The following SLC4A10 variants were observed in gnomAD, a reference collection of about 807,000 sequenced individuals.
The protein encoded by SLC4A10 is solute carrier family 4 member 10, also known as sodium-driven chloride bicarbonate exchanger.
A neutral mutation model predicts 137.7 loss-of-function variants in SLC4A10; 42 were observed. That is an observed-to-expected ratio of 0.30 (90% CI 0.24 to 0.39). The LOEUF (loss-of-function observed/expected upper bound fraction) is 0.39, where lower values mean the gene tolerates loss of function less well. Among genes scored for constraint, SLC4A10 ranks in the 10% least tolerant of loss-of-function variants. The pLI, the probability that SLC4A10 is intolerant of heterozygous loss-of-function variation, is 1.00. For synonymous variants in SLC4A10, 474 were observed against 464.1 expected (o/e 1.02, Z -0.27); for missense variants, 925 against 1,355.0 (o/e 0.68, Z 4.98).
intron 1 of SLC4A10, among the ~76,000 whole-genome samples, chr2:161,662,797 C>A (rs1286291095): frequency 6.6e-6 from 1 of 152,174 alleles, no homozygotes; most frequent in Non-Finnish European, 1.5e-5. Context: ...TTACCTATTG[C>A]TCTCTAAGCT....
intron 1 of SLC4A10, among the ~76,000 whole-genome samples, chr2:161,720,942 C>T (rs2125117895): frequency 6.6e-6 from 1 of 152,120 alleles, no homozygotes; most frequent in African/African-American, 2.4e-5. Flanking sequence ...AATTCTCCTG[C>T]CTCAGCCTCC....
At chr2:161,636,388 A>G (rs1361903349) in intron 1 of SLC4A10, among the ~76,000 whole-genome samples, 2 of 151,772 alleles carry the variant, frequency 1.3e-5, no homozygotes, top group South Asian at 2.1e-4. Flanking sequence ...TATTTGTATT[A>G]TTTGTTATTT....
chr2:161,791,811 T>C (rs2054244306), intron 2 of SLC4A10, among the ~76,000 whole-genome samples: 1 of 152,204 alleles, frequency 6.6e-6, no homozygotes, highest in Non-Finnish European at 1.5e-5. Context: ...GGTAATTATC[T>C]ATACTCTGCT....
intron 15 of SLC4A10, among the ~76,000 whole-genome samples, chr2:161,937,317 A>G (rs1691753397): frequency 6.6e-6 from 1 of 152,182 alleles, no homozygotes; most frequent in Admixed American, 6.5e-5. Flanking sequence ...TTTAATATGC[A>G]ATATACTTAC....
chr2:161,810,782 G>C (rs560432642), intron 3 of SLC4A10, among the ~76,000 whole-genome samples: 1 of 152,086 alleles, frequency 6.6e-6, no homozygotes, highest in South Asian at 2.1e-4. Context: ...ATTTTGTTGA[G>C]GATTTTGTGT....
Position 161,669,620 on chromosome 2 carries a change from A to T in SLC4A10, c.48+45054A>T, listed in dbSNP as rs377463003. Among the ~76,000 whole-genome samples the T allele has an allele frequency of 7.1e-4, 108 of 152,138 alleles. No individual in the cohort carries two copies. The East Asian group carries it at 9.1e-3, about 13-fold the overall frequency. On this transcript the variant is annotated intron_variant, in intron 1 of 26. Transcript: ENST00000446997. ...TGATGGACAACATTTTGTAATATTA[A>T]ATTGTTAATAAAATCATGTGGTATA...
At chr2:161,711,468 C>T (rs1050098585) in intron 1 of SLC4A10, among the ~76,000 whole-genome samples, 11 of 151,770 alleles carry the variant, frequency 7.2e-5, no homozygotes, top group African/African-American at 2.7e-4. Flanking sequence ...GAAAGCGGAT[C>T]AGGACCAACT....
At chr2:161,884,604 A>G (rs996347140) in intron 10 of SLC4A10, among the ~76,000 whole-genome samples, 2 of 152,158 alleles carry the variant, frequency 1.3e-5, no homozygotes, top group Non-Finnish European at 2.9e-5. Flanking sequence ...GAGCATAAGC[A>G]TCAGTCATCT....
At chr2:161,666,817 A>T (rs969681134) in intron 1 of SLC4A10, among the ~76,000 whole-genome samples, 3 of 146,478 alleles carry the variant, frequency 2.0e-5, no homozygotes, top group African/African-American at 7.5e-5. Context: ...TAATTTATGT[A>T]AATATATTTC....
At chr2:161,896,529 G>C (rs1370672939) in intron 11 of SLC4A10, among the ~76,000 whole-genome samples, 1 of 152,064 alleles carries the variant, frequency 6.6e-6, no homozygotes, top group Non-Finnish European at 1.5e-5. Context: ...TCACGATATT[G>C]ATTCTTCCTA....
At chr2:161,894,608 G>A (rs2063258442) in intron 10 of SLC4A10, 71 bp from the exon 11 acceptor site, 1 of 843,040 alleles carries the variant, frequency 1.2e-6, no homozygotes. Context: ...TAACTGAGTT[G>A]AAAACACTGA....
intron 1 of SLC4A10, among the ~76,000 whole-genome samples, chr2:161,709,353 A>G (rs1198031658): frequency 1.3e-5 from 2 of 151,654 alleles, no homozygotes; most frequent in African/African-American, 2.4e-5. Flanking sequence ...GAATAGAATC[A>G]TCTTTGTCAG....
intron 11 of SLC4A10, among the ~76,000 whole-genome samples, chr2:161,898,291 T>A (rs926958838): frequency 1.8e-4 from 28 of 152,164 alleles, no homozygotes; most frequent in African/African-American, 6.8e-4. Context: ...TCATTTTAAT[T>A]ACCTTAAATG....
intron 15 of SLC4A10, among the ~76,000 whole-genome samples, chr2:161,928,176 G>A (rs891709509): frequency 6.7e-6 from 1 of 148,788 alleles, no homozygotes; most frequent in African/African-American, 2.5e-5. Flanking sequence ...TATACACCAT[G>A]GAATACTATG....
intron 3 of SLC4A10, among the ~76,000 whole-genome samples, chr2:161,821,755 T>C (rs1056428132): frequency 7.9e-5 from 12 of 152,224 alleles, no homozygotes; most frequent in African/African-American, 2.7e-4. Flanking sequence ...AATTACACAT[T>C]TGGAAAATTT....
At chr2:161,904,673 G>C in intron 13 of SLC4A10, 103 bp from the exon 14 acceptor site, 2 of 1,410,302 alleles carry the variant, frequency 1.4e-6, no homozygotes, top group South Asian at 3.1e-5. Flanking sequence ...ACTTTTCAGG[G>C]TGAAGCACAA....
At chr2:161,755,555 C>T (rs2049524686) in intron 1 of SLC4A10, among the ~76,000 whole-genome samples, 1 of 152,188 alleles carries the variant, frequency 6.6e-6, no homozygotes. Context: ...CAACACCACC[C>T]TCTCTTTTCT....
intron 7 of SLC4A10, among the ~76,000 whole-genome samples, chr2:161,872,914 A>G (rs777808211): frequency 7.2e-5 from 11 of 152,062 alleles, no homozygotes; most frequent in Non-Finnish European, 1.2e-4. Flanking sequence ...GGGTTTCACC[A>G]TCTTGGACAG....
At chr2:161,799,180 G>A (rs978118870) in intron 2 of SLC4A10, among the ~76,000 whole-genome samples, 5 of 151,554 alleles carry the variant, frequency 3.3e-5, no homozygotes, top group Non-Finnish European at 5.9e-5. Flanking sequence ...TTTAAGAAAT[G>A]TCCACTTGAA....
Sources: allele counts gnomAD v4.1 joint callset (sites outside exome capture counted in the v4.1 genomes callset), GRCh38; gene constraint gnomAD v4.1.1; transcripts MANE v1.5; gene names NCBI Gene and HGNC (gene_info 2026-07-23, HGNC 2026-07-21).